Variants in PKIG observed in about 807,000 individuals in gnomAD.
The protein encoded by PKIG is protein kinase (cAMP-dependent, catalytic) inhibitor gamma.
PKIG carries 1 observed loss-of-function variant against 6.8 expected under a neutral mutation model. The observed-to-expected ratio is 0.15, with a 90% CI of 0.05 to 0.69. The LOEUF is 0.69. Ranked by LOEUF, PKIG falls within the 30% of genes least tolerant of loss-of-function variation. The probability of loss-of-function intolerance (pLI) is 0.82; values close to 1 mark genes in which losing one functional copy is unlikely to be tolerated. For synonymous variants in PKIG, 39 were observed against 43.0 expected (o/e 0.91, Z 0.36); for missense variants, 77 against 104.0 (o/e 0.74, Z 1.13).
intron 1 of PKIG, among the ~76,000 whole-genome samples, chr20:44,565,664 T>C (rs370252073): frequency 3.3e-5 from 5 of 152,226 alleles, no homozygotes; most frequent in East Asian, 1.9e-4. Flanking sequence ...TCATAATCTT[T>C]ATATCCTTCA....
At chr20:44,598,671 G>A (rs377724133) in intron 2 of PKIG, 2 of 152,254 alleles carry the variant, frequency 1.3e-5, no homozygotes, top group African/African-American at 4.8e-5. Flanking sequence ...GCCTCAGCAA[G>A]TTTGATAATA....
intron 2 of PKIG, among the ~76,000 whole-genome samples, chr20:44,607,157 C>T (rs965124460): frequency 6.6e-6 from 1 of 152,054 alleles, no homozygotes; most frequent in Non-Finnish European, 1.5e-5. Context: ...TCAGGTCCAT[C>T]AACAGGGAAG....
intron 2 of PKIG, among the ~76,000 whole-genome samples, chr20:44,610,770 GTTTTA>G (rs1037948077): frequency 2.6e-5 from 4 of 152,006 alleles, no homozygotes; most frequent in African/African-American, 9.7e-5. Context: ...CAGGAACTGG[GTTTTA>G]TTTTAGGTGT....
intron 2 of PKIG, among the ~76,000 whole-genome samples, chr20:44,595,365 T>G (rs564236499): frequency 6.6e-6 from 1 of 152,344 alleles, no homozygotes; most frequent in East Asian, 1.9e-4. Flanking sequence ...GCCACCAGCC[T>G]CTCAGATGCC....
intron 1 of PKIG, among the ~76,000 whole-genome samples, chr20:44,565,422 C>T (rs2064802388): frequency 6.6e-6 from 1 of 152,226 alleles, no homozygotes; most frequent in Non-Finnish European, 1.5e-5. Context: ...GTAGTTTTAA[C>T]ATCTGTGCTT....
At chr20:44,596,059 C>T (rs938618739) in intron 2 of PKIG, among the ~76,000 whole-genome samples, 2 of 152,194 alleles carry the variant, frequency 1.3e-5, no homozygotes, top group East Asian at 1.9e-4. Flanking sequence ...TATTTAGTCA[C>T]TGAGTGATTA....
At chr20:44,548,835 C>G (rs982385179) in intron 1 of PKIG, among the ~76,000 whole-genome samples, 1 of 147,806 alleles carries the variant, frequency 6.8e-6, no homozygotes, top group African/African-American at 2.5e-5. Context: ...GTAGGACATT[C>G]ATCCAGCCAC....
At chr20:44,564,409 C>G (rs1600855195) in intron 1 of PKIG, 1 of 152,242 alleles carries the variant, frequency 6.6e-6, no homozygotes, top group Non-Finnish European at 1.5e-5. Flanking sequence ...CTTTCTGCTA[C>G]CGTGGTATCA....
At chr20:44,542,882 T>A (rs2064574838) in intron 1 of PKIG, among the ~76,000 whole-genome samples, 1 of 152,232 alleles carries the variant, frequency 6.6e-6, no homozygotes, top group Admixed American at 6.5e-5. Flanking sequence ...CGTGAGCCAC[T>A]GTGCCCAGCA....
rs555331406 is a variant in PKIG, at chr20:44,551,145, C to T, written c.-241+19167C>T. Among the ~76,000 whole-genome samples, 617 of 152,216 alleles carry T rather than the reference C, an allele frequency of 4.1e-3. 1 individual carries two copies. The highest frequency in any genetic ancestry group is 6.8e-3 in the Non-Finnish European group (463 of 68,020). ...TGATGCTCACTGCAAGCTTCGCCTC[C>T]CGGGTTCACACCACTCTCCTGCCTC... On this transcript the variant is annotated intron_variant, in intron 1 of 4. Transcript: ENST00000372887.
chr20:44,594,586 C>T (rs953155761), intron 2 of PKIG, among the ~76,000 whole-genome samples: 2 of 152,202 alleles, frequency 1.3e-5, no homozygotes, highest in East Asian at 1.9e-4. Context: ...ATTTGCTCAG[C>T]GTCATGCAGC....
At chr20:44,571,378 T>C (rs1460200991) in intron 1 of PKIG, among the ~76,000 whole-genome samples, 1 of 152,192 alleles carries the variant, frequency 6.6e-6, no homozygotes, top group Non-Finnish European at 1.5e-5. Flanking sequence ...AAAGATTGTC[T>C]TAGGGACCTT....
At chr20:44,578,694 A>T (rs2064921589), upstream of PKIG, among the ~76,000 whole-genome samples, 4 of 152,314 alleles carry the variant, frequency 2.6e-5, no homozygotes, top group South Asian at 6.2e-4. Context: ...TGAGCCAAAT[A>T]AACCTCTTTT....
At chr20:44,545,147 G>T (rs909593877) in intron 1 of PKIG, among the ~76,000 whole-genome samples, 1 of 151,786 alleles carries the variant, frequency 6.6e-6, no homozygotes, top group Admixed American at 6.6e-5. Flanking sequence ...TGTTGGCCAG[G>T]CCAGTCTCGA....
At chr20:44,545,235 A>G (rs2064602711) in intron 1 of PKIG, among the ~76,000 whole-genome samples, 2 of 151,988 alleles carry the variant, frequency 1.3e-5, no homozygotes. Context: ...TGCGCCTGCA[A>G]TGCCCGGCCT....
chr20:44,605,583 T>A (rs2065157505), intron 2 of PKIG, among the ~76,000 whole-genome samples: 1 of 151,952 alleles, frequency 6.6e-6, no homozygotes. Context: ...AGATAAATTC[T>A]AGATCAAAGA....
intron 1 of PKIG, among the ~76,000 whole-genome samples, chr20:44,587,032 AG>A (rs1208016282): frequency 6.6e-6 from 1 of 152,188 alleles, no homozygotes; most frequent in African/African-American, 2.4e-5. Context: ...CCAGGAACCT[AG>A]GTCAGTTACT....
chr20:44,589,135 A>T (rs1334080039), intron 1 of PKIG, among the ~76,000 whole-genome samples: 2 of 152,208 alleles, frequency 1.3e-5, no homozygotes, highest in African/African-American at 4.8e-5. Flanking sequence ...ATGTGCACGT[A>T]CACAAATGCT....
chr20:44,594,629 T>C (rs2065060451), intron 2 of PKIG, among the ~76,000 whole-genome samples: 1 of 152,200 alleles, frequency 6.6e-6, no homozygotes, highest in African/African-American at 2.4e-5. Context: ...TCATACAGGC[T>C]CTGACCCATA....
Sources: gnomAD v4.1 joint callset for allele counts (sites outside exome capture counted in the v4.1 genomes callset) on GRCh38, gnomAD v4.1.1 for gene constraint, MANE v1.5 for transcripts, NCBI Gene and HGNC (gene_info 2026-07-23, HGNC 2026-07-21) for gene names.